EFCAB5: variants seen among roughly 807,000 people sequenced by gnomAD.
EFCAB5 encodes EF-hand calcium-binding domain-containing protein 5.
In EFCAB5, 131 loss-of-function variants were observed where a neutral mutation model predicts 167.9. That is an observed-to-expected ratio of 0.78 (90% CI 0.68 to 0.90). EFCAB5 has a LOEUF of 0.90. Among genes scored for constraint, EFCAB5 ranks in the 40% least tolerant of loss-of-function variants. The pLI, the probability that EFCAB5 is intolerant of heterozygous loss-of-function variation, is 0.00. For missense variants in EFCAB5, 1,663 were observed against 1,745.2 expected, an observed-to-expected ratio of 0.95 and a Z score of 0.84; for synonymous variants, 574 against 602.8, an observed-to-expected ratio of 0.95 and a Z score of 0.70.
At chr17:29,957,423 A>G (rs1299952942) in intron 3 of EFCAB5, among the ~76,000 whole-genome samples, 1 of 152,190 alleles carries the variant, frequency 6.6e-6, no homozygotes, top group Admixed American at 6.5e-5. Flanking sequence ...CTATCAAACC[A>G]TCACCTAGGT....
At chr17:29,948,203 CA>C (rs1198749461) in intron 3 of EFCAB5, among the ~76,000 whole-genome samples, 17 of 152,130 alleles carry the variant, frequency 1.1e-4, no homozygotes, top group African/African-American at 4.1e-4. Context: ...ATTAGATGTT[CA>C]CTTTAATTAG....
intron 12 of EFCAB5, among the ~76,000 whole-genome samples, chr17:30,057,008 GA>G (rs1277818113): frequency 6.6e-6 from 1 of 152,096 alleles, no homozygotes; most frequent in African/African-American, 2.4e-5. Flanking sequence ...AAATCAAACG[GA>G]AGTCACTTTG....
In EFCAB5 at chr17:30,012,322, C is replaced by A. The variant is rs542830786; in HGVS notation, c.1044+12346C>A. On this transcript the variant is annotated intron_variant, in intron 7 of 22. Coordinates refer to ENST00000394835, the MANE Select transcript of EFCAB5 (RefSeq NM_198529.4). ...CGCAGTTGTCTGGAGGCCTAACTGTCTCCCTGTGATGCTGTGCTTCAGTGG... is the reference window on the plus strand; with the variant it reads ...CGCAGTTGTCTGGAGGCCTAACTGTATCCCTGTGATGCTGTGCTTCAGTGG... Among the ~76,000 whole-genome samples, 4 of 152,326 alleles carry A rather than the reference C, an allele frequency of 2.6e-5. No individual in the cohort carries two copies. The East Asian group carries it at 5.8e-4, about 22-fold the overall frequency.
At chr17:29,986,636 C>CTTTTTTTTTTTTTT (rs1196821046) in intron 4 of EFCAB5, among the ~76,000 whole-genome samples, 1 of 87,948 alleles carries the variant, frequency 1.1e-5, no homozygotes, top group Non-Finnish European at 2.1e-5. Context: ...GGAGTATATT[C>CTTTTTTTTTTTTTT]ATTTTTTTTT....
chr17:29,984,908 GT>G (rs925660254), intron 4 of EFCAB5, among the ~76,000 whole-genome samples: 1 of 152,090 alleles, frequency 6.6e-6, no homozygotes, highest in African/African-American at 2.4e-5. Context: ...TTAGATTTTA[GT>G]AGTTTCTTTG....
chr17:30,053,112 C>T, intron 9 of EFCAB5, 143 bp from the exon 10 acceptor site: 2 of 947,496 alleles, frequency 2.1e-6, no homozygotes, highest in Non-Finnish European at 3.0e-6. Context: ...TGTGTTGCAG[C>T]CAAAGATAAC....
chr17:30,042,129 C>T (rs2069790563), intron 8 of EFCAB5, among the ~76,000 whole-genome samples: 1 of 152,038 alleles, frequency 6.6e-6, no homozygotes, highest in African/African-American at 2.4e-5. Flanking sequence ...CTGCCTTTGC[C>T]TCTGGAGTAG....
chr17:30,021,306 A>AT (rs1437262515), intron 7 of EFCAB5, among the ~76,000 whole-genome samples: 4 of 148,662 alleles, frequency 2.7e-5, no homozygotes, highest in Non-Finnish European at 4.5e-5. Flanking sequence ...CCTTTGTGTC[A>AT]TTTTTTATAT....
At chr17:29,998,588 T>G (rs1215390648) in intron 6 of EFCAB5, among the ~76,000 whole-genome samples, 1 of 152,198 alleles carries the variant, frequency 6.6e-6, no homozygotes, top group Non-Finnish European at 1.5e-5. Flanking sequence ...GTTTGCATAA[T>G]CATCTGGAGC....
chr17:30,006,272 G>A lies in EFCAB5; in HGVS notation c.1044+6296G>A, dbSNP rs142355863. Among the ~76,000 whole-genome samples the A allele has an allele frequency of 4.5e-3, 689 of 152,054 alleles. 18 individuals are homozygous for A. Among genetic ancestry groups the A allele is most frequent in the Admixed American group, 0.038 (574 of 15,274 alleles). On this transcript the variant is annotated intron_variant, in intron 7 of 22. Transcript: ENST00000394835. Reference sequence around the variant, plus strand: ...GTTTCTCAATTGTTTTAAAATTTTGGTGGTTTCTAATTTACAAAAAAATTT... The same window carrying A: ...GTTTCTCAATTGTTTTAAAATTTTGATGGTTTCTAATTTACAAAAAAATTT...
At chr17:30,086,938 T>C in intron 18 of EFCAB5, 125 bp from the exon 19 acceptor site, 1 of 723,194 alleles carries the variant, frequency 1.4e-6, no homozygotes, top group Non-Finnish European at 2.2e-6. Flanking sequence ...AAGTAAAATG[T>C]CACTGTCCTT....
chr17:29,954,714 C>T (rs1156622207), intron 3 of EFCAB5, among the ~76,000 whole-genome samples: 8 of 152,202 alleles, frequency 5.3e-5, no homozygotes. Flanking sequence ...ATATGGCCAC[C>T]ATCTTCCAAA....
intron 1 of EFCAB5, among the ~76,000 whole-genome samples, chr17:29,936,016 T>C (rs1170498603): frequency 2.6e-5 from 4 of 152,120 alleles, no homozygotes; most frequent in Non-Finnish European, 5.9e-5. Context: ...AAGGAAATGC[T>C]GCTACCAGGA....
At chr17:30,102,258 T>A (rs1388328562) in intron 22 of EFCAB5, among the ~76,000 whole-genome samples, 1 of 152,122 alleles carries the variant, frequency 6.6e-6, no homozygotes, top group African/African-American at 2.4e-5. Flanking sequence ...TCAGCCAGAG[T>A]GAAGATGGGA....
At chr17:30,096,677 A>ATATATATATTTTTTTTT (rs1193558323) in intron 22 of EFCAB5, among the ~76,000 whole-genome samples, 2 of 60,122 alleles carry the variant, frequency 3.3e-5, no homozygotes, top group African/African-American at 1.7e-4. Flanking sequence ...ATATATATAT[A>ATATATATATTTTTTTTT]TTTTTTTTTT....
chr17:29,962,676 T>C (rs2067746055), intron 3 of EFCAB5, among the ~76,000 whole-genome samples: 2 of 144,638 alleles, frequency 1.4e-5, no homozygotes, highest in Non-Finnish European at 3.0e-5. Context: ...TATGTTGCCC[T>C]ATTGAATTTG....
intron 8 of EFCAB5, among the ~76,000 whole-genome samples, chr17:30,047,829 C>T (rs1407488700): frequency 6.6e-6 from 1 of 152,168 alleles, no homozygotes; most frequent in East Asian, 1.9e-4. Flanking sequence ...CAGCCTCTCA[C>T]CCAGATGCCA....
intron 22 of EFCAB5, among the ~76,000 whole-genome samples, chr17:30,106,574 A>G (rs1042503997): frequency 2.2e-4 from 34 of 152,074 alleles, no homozygotes; most frequent in African/African-American, 7.5e-4. Context: ...CTCCTGCCTC[A>G]GCTTCCCAAG....
intron 1 of EFCAB5, among the ~76,000 whole-genome samples, chr17:29,931,786 A>G (rs981564677): frequency 2.6e-5 from 4 of 152,218 alleles, no homozygotes; most frequent in Non-Finnish European, 4.4e-5. Context: ...TTATGAACCA[A>G]AGTATCATTC....
Sources: allele counts gnomAD v4.1 joint callset (sites outside exome capture counted in the v4.1 genomes callset), GRCh38; gene constraint gnomAD v4.1.1; transcripts MANE v1.5; gene names NCBI Gene and HGNC (gene_info 2026-07-23, HGNC 2026-07-21).